Variants in GRM8 observed in about 807,000 individuals in gnomAD.
GRM8 encodes glutamate metabotropic receptor 8.
A neutral mutation model predicts 87.2 loss-of-function variants in GRM8; 47 were observed. The ratio of observed to expected loss-of-function variants is 0.54; its 90% CI spans 0.43 to 0.69. GRM8 has a LOEUF of 0.69. Ranked by LOEUF, GRM8 falls within the 30% of genes least tolerant of loss-of-function variation. The pLI, the probability that GRM8 is intolerant of heterozygous loss-of-function variation, is 0.00. For synonymous variants in GRM8, 396 were observed against 404.5 expected (o/e 0.98, Z 0.25); for missense variants, 1,019 against 1,139.2 (o/e 0.89, Z 1.52).
chr7:126,594,987 T>A (rs984800573), intron 8 of GRM8, among the ~76,000 whole-genome samples: 4 of 152,024 alleles, frequency 2.6e-5, no homozygotes, highest in African/African-American at 9.7e-5. Context: ...GGTGGGTGGT[T>A]AAACAAACCT....
chr7:126,670,450 G>A (rs564840115), intron 7 of GRM8, among the ~76,000 whole-genome samples: 2 of 152,172 alleles, frequency 1.3e-5, no homozygotes, highest in South Asian at 2.1e-4. Context: ...TCATAATTAA[G>A]GTTGTTATGT....
chr7:126,890,876 A>G (rs932605840), intron 6 of GRM8, among the ~76,000 whole-genome samples: 9 of 151,896 alleles, frequency 5.9e-5, no homozygotes, highest in Non-Finnish European at 1.0e-4. Flanking sequence ...GCCCTCTGCA[A>G]TTTCCACTCC....
At chr7:127,134,325 A>G (rs190893290) in intron 2 of GRM8, among the ~76,000 whole-genome samples, 146 of 152,332 alleles carry the variant, frequency 9.6e-4, no homozygotes, top group Middle Eastern at 3.4e-3. Flanking sequence ...GAAAATATCT[A>G]CTATGCTGCA....
In GRM8 at chr7:126,915,186, C is replaced by A. The variant is rs745804187; in HGVS notation, c.728-10503G>T. ...GTCTCTAGGGTCAGACTTCCTAGGT[C>A]CAAATCCTGGCCCTTCTCTTCTTAG... On this transcript the variant is annotated intron_variant, in intron 3 of 10. Transcript: ENST00000339582. 4.1e-4 allele frequency among the ~76,000 whole-genome samples: 63 copies of A among 152,204 alleles called. 1 individual carries two copies. Among genetic ancestry groups the A allele is most frequent in the Admixed American group, 1.1e-3 (17 of 15,304 alleles).
chr7:126,467,732 A>T (rs1477559579), intron 9 of GRM8, among the ~76,000 whole-genome samples: 2 of 152,076 alleles, frequency 1.3e-5, no homozygotes, highest in Non-Finnish European at 2.9e-5. Context: ...AAAGGGCAGA[A>T]AAAATTAAAA....
At chr7:126,678,217 G>A (rs570551347) in intron 7 of GRM8, among the ~76,000 whole-genome samples, 2 of 152,042 alleles carry the variant, frequency 1.3e-5, no homozygotes, top group Non-Finnish European at 2.9e-5. Flanking sequence ...TAGGATTTAC[G>A]CAGATCTAAA....
At chr7:126,724,761 A>G in intron 7 of GRM8, among the ~76,000 whole-genome samples, 1 of 138,444 alleles carries the variant, frequency 7.2e-6, no homozygotes, top group East Asian at 2.0e-4. Context: ...ACTATTTGCA[A>G]AAAAAAAAAA....
In GRM8 at chr7:126,480,046, A is replaced by T. The variant is rs376584084; in HGVS notation, c.2431-33674T>A. On this transcript the variant is annotated intron_variant, in intron 9 of 10. Coordinates refer to ENST00000339582, the MANE Select transcript of GRM8 (RefSeq NM_000845.3). Reference sequence around the variant, plus strand: ...TATTACAAATAAATTATATAACTAGACTGAAGTGGGTGAAGAAGAAAGGAA... The same window carrying T: ...TATTACAAATAAATTATATAACTAGTCTGAAGTGGGTGAAGAAGAAAGGAA... Among the ~76,000 whole-genome samples, 181 of 152,172 alleles carry T rather than the reference A, an allele frequency of 1.2e-3. 7 individuals carry two copies. The South Asian group carries it at 0.037, about 31-fold the overall frequency.
intron 6 of GRM8, among the ~76,000 whole-genome samples, chr7:126,896,483 G>T (rs1229233360): frequency 3.3e-5 from 5 of 152,040 alleles, no homozygotes; most frequent in Non-Finnish European, 7.4e-5. Context: ...CATCCCCCTT[G>T]ATGACTACCT....
intron 2 of GRM8, among the ~76,000 whole-genome samples, chr7:127,212,502 C>A (rs868322685): frequency 4.1e-4 from 60 of 147,586 alleles, no homozygotes; most frequent in African/African-American, 1.3e-3. Flanking sequence ...ACTGCAAGCT[C>A]CGCCTCCCGG....
At chr7:126,903,727 GTATA>G (rs1586394134) in intron 5 of GRM8, among the ~76,000 whole-genome samples, 6 of 122,626 alleles carry the variant, frequency 4.9e-5, no homozygotes, top group East Asian at 4.8e-4. Context: ...ATATATATAT[GTATA>G]TGTGTATATA....
chr7:126,719,139 G>T (rs565827647), intron 7 of GRM8, among the ~76,000 whole-genome samples: 4 of 152,210 alleles, frequency 2.6e-5, no homozygotes, highest in African/African-American at 7.2e-5. Flanking sequence ...TTTTACCTAA[G>T]TGTGTATTAT....
chr7:126,864,489 TG>T (rs1798425684), intron 6 of GRM8, among the ~76,000 whole-genome samples: 1 of 152,188 alleles, frequency 6.6e-6, no homozygotes, highest in African/African-American at 2.4e-5. Flanking sequence ...GTCCATTGTT[TG>T]TCCAATCTAT....
intron 2 of GRM8, among the ~76,000 whole-genome samples, chr7:127,162,016 G>A (rs1793148483): frequency 6.6e-6 from 1 of 152,146 alleles, no homozygotes; most frequent in Admixed American, 6.6e-5. Flanking sequence ...TGAACACAAT[G>A]GAATATTACT....
intron 6 of GRM8, among the ~76,000 whole-genome samples, chr7:126,820,759 C>T (rs572776232): frequency 6.6e-6 from 1 of 152,240 alleles, no homozygotes; most frequent in African/African-American, 2.4e-5. Flanking sequence ...TCCAACCCTG[C>T]CATCTTCCTC....
chr7:126,523,242 T>G (rs1466291630), intron 9 of GRM8, among the ~76,000 whole-genome samples: 2 of 152,206 alleles, frequency 1.3e-5, no homozygotes, highest in Non-Finnish European at 2.9e-5. Context: ...AGAAAAGTTT[T>G]TCTTGAGACT....
chr7:127,244,174 A>G (rs1488384858), intron 1 of GRM8, among the ~76,000 whole-genome samples: 4 of 152,348 alleles, frequency 2.6e-5, no homozygotes, highest in South Asian at 4.1e-4. Context: ...GTAAGGTGAC[A>G]TGTGAAGATA....
chr7:126,550,245 A>G (rs1792432208), intron 8 of GRM8, among the ~76,000 whole-genome samples: 1 of 151,708 alleles, frequency 6.6e-6, no homozygotes, highest in Admixed American at 6.6e-5. Flanking sequence ...CCCCCGAGCA[A>G]CTGGGACTAC....
chr7:127,208,969 T>C (rs995146920), intron 2 of GRM8, among the ~76,000 whole-genome samples: 5 of 152,228 alleles, frequency 3.3e-5, no homozygotes, highest in Non-Finnish European at 7.3e-5. Context: ...ACAGGAGCTT[T>C]ACTCTGGAAT....
Sources: gnomAD v4.1 joint callset for allele counts (sites outside exome capture counted in the v4.1 genomes callset) on GRCh38, gnomAD v4.1.1 for gene constraint, MANE v1.5 for transcripts, NCBI Gene and HGNC (gene_info 2026-07-23, HGNC 2026-07-21) for gene names.